Variants in DNAH14 observed in about 807,000 individuals in gnomAD.
The protein encoded by DNAH14 is dynein axonemal heavy chain 14, also known as axonemal beta dynein heavy chain 14.
In DNAH14, 478 loss-of-function variants were observed where a neutral mutation model predicts 520.9. The observed-to-expected ratio is 0.92, with a 90% CI of 0.85 to 0.99. The LOEUF (loss-of-function observed/expected upper bound fraction) is 0.99, where lower values mean the gene tolerates loss of function less well. DNAH14 is among the 50% of genes least tolerant of loss of function. DNAH14 has a pLI of 0.00. For synonymous variants in DNAH14, 1,581 were observed against 1,757.2 expected, an observed-to-expected ratio of 0.90 and a Z score of 2.51; for missense variants, 4,831 against 5,234.5, an observed-to-expected ratio of 0.92 and a Z score of 2.38.
intron 60 of DNAH14, among the ~76,000 whole-genome samples, chr1:225,310,993 T>C (rs928214511): frequency 6.6e-6 from 1 of 152,216 alleles, no homozygotes; most frequent in Admixed American, 6.5e-5. Context: ...AAATGGTATT[T>C]CTGGTTCTAG....
At chr1:225,014,042 A>T (rs1280670321) in intron 10 of DNAH14, among the ~76,000 whole-genome samples, 2 of 152,140 alleles carry the variant, frequency 1.3e-5, no homozygotes, top group East Asian at 3.9e-4. Context: ...TTTGCCATAC[A>T]AGCCATCCAG....
chr1:225,315,008 C>T (rs2094441171), intron 60 of DNAH14, among the ~76,000 whole-genome samples: 1 of 152,120 alleles, frequency 6.6e-6, no homozygotes, highest in Admixed American at 6.5e-5. Flanking sequence ...GGTAAGTTCT[C>T]CTGGATAATA....
rs1318544791 is a variant in DNAH14 at position 225,305,445 on chromosome 1, C to T, written c.9005+356C>T. ...AATAAAAGGCTTCAGATGACTACAA[C>T]GCAGATAGTGGAACACCTACTAAGC... On this transcript the variant is annotated intron_variant, in intron 58 of 85. Transcript: ENST00000682510. Among the ~76,000 whole-genome samples, 5 of 152,182 alleles carry T rather than the reference C, an allele frequency of 3.3e-5. No individual in the cohort carries two copies. In the East Asian group the frequency reaches 5.8e-4, roughly 18 times the overall value.
intron 9 of DNAH14, among the ~76,000 whole-genome samples, chr1:225,005,997 G>C (rs1396071255): frequency 1.3e-5 from 2 of 152,124 alleles, no homozygotes; most frequent in Non-Finnish European, 2.9e-5. Flanking sequence ...CGGAGGGACC[G>C]GCTGAAGCCA....
At chr1:225,132,328 C>T (rs2078506246) in intron 27 of DNAH14, among the ~76,000 whole-genome samples, 1 of 152,048 alleles carries the variant, frequency 6.6e-6, no homozygotes, top group African/African-American at 2.4e-5. Flanking sequence ...AAGCCCAGCA[C>T]CCATTAGCTG....
rs1447645633 is a variant in DNAH14 at position 225,051,728 on chromosome 1, A to G, written c.2357A>G (p.Asn786Ser). 6.4e-6 allele frequency: 10 copies of G among 1,550,638 alleles called. No homozygotes were observed. Among genetic ancestry groups the G allele is most frequent in the Non-Finnish European group, 6.1e-6 (7 of 1,146,648 alleles). The change falls in exon 17 of 86, where the codon AAC (asparagine) becomes AGC (serine). Residue 786 changes from asparagine to serine, a missense_variant. By Grantham distance (46) the Asn-to-Ser change is conservative. Transcript: ENST00000682510. ...YQSECLLYIDNVIHMSHTLIQ... is the reference protein window; with the variant it reads ...YQSECLLYIDSVIHMSHTLIQ... ...TCAGAATGCTTACTGTATATTGACAACGTCATACATATGAGCCACACCCTC... is the reference window on the plus strand; with the variant it reads ...TCAGAATGCTTACTGTATATTGACAGCGTCATACATATGAGCCACACCCTC...
chr1:224,960,499 C>G (rs542568005), intron 4 of DNAH14, among the ~76,000 whole-genome samples, 197 bp downstream of exon 4: 6 of 152,046 alleles, frequency 3.9e-5, no homozygotes, highest in Non-Finnish European at 7.4e-5. Flanking sequence ...GAAAAATTGA[C>G]AGAGACTGTT....
intron 66 of DNAH14, among the ~76,000 whole-genome samples, chr1:225,334,880 A>ATGTG (rs71574528): frequency 1.1e-4 from 13 of 122,316 alleles, no homozygotes; most frequent in East Asian, 2.4e-4. Flanking sequence ...CTCTCTACAT[A>ATGTG]TATATGTGTG....
At chr1:225,294,882 G>A (rs11576433) in intron 55 of DNAH14, among the ~76,000 whole-genome samples, 1 of 151,174 alleles carries the variant, frequency 6.6e-6, no homozygotes, top group Non-Finnish European at 1.5e-5. Context: ...TGGATTTTTT[G>A]TTGTTGTTGT....
intron 11 of DNAH14, among the ~76,000 whole-genome samples, chr1:225,025,571 AAAC>A (rs1184200266): frequency 5.3e-5 from 8 of 151,454 alleles, no homozygotes; most frequent in South Asian, 2.1e-4. Context: ...ATCTCTACAA[AAAC>A]AACAACAACA....
chr1:225,008,747 G>A lies in DNAH14; in HGVS notation c.1107+1203G>A, dbSNP rs376172963. ...GCCGTTTCCTGACTTTTTAATGATC[G>A]CCCTTCTAACTGGCATGAGATGGTA... is the stretch of plus-strand genomic sequence containing the variant. On this transcript the variant is annotated intron_variant, in intron 10 of 85. Transcript: ENST00000682510. Among the ~76,000 whole-genome samples, 34 of 151,884 alleles carry A rather than the reference G, an allele frequency of 2.2e-4. No homozygotes were observed. In the South Asian group the frequency reaches 2.3e-3, roughly 10 times the overall value.
Position 225,039,695 on chromosome 1 carries a change from C to A in DNAH14, c.1488+872C>A, listed in dbSNP as rs528649839. On this transcript the variant is annotated intron_variant, in intron 12 of 85. Coordinates refer to ENST00000682510, the MANE Select transcript of DNAH14 (RefSeq NM_001367479.1). ...TGCTTATCCTATTTGGTAAAAGTAG[C>A]CTTGTACCCCGTCTCTACTAAAAAT... 5.3e-5 allele frequency among the ~76,000 whole-genome samples: 8 copies of A among 150,698 alleles called. No individual in the cohort carries two copies. The Middle Eastern group carries it at 0.01, about 194-fold the overall frequency.
chr1:225,144,898 T>A (rs1488771253), intron 29 of DNAH14, among the ~76,000 whole-genome samples: 2 of 151,752 alleles, frequency 1.3e-5, no homozygotes, highest in African/African-American at 2.4e-5. Flanking sequence ...TATCATTGTG[T>A]GTGTGTGTGT....
chr1:225,143,545 G>T (rs1489100834), intron 28 of DNAH14, among the ~76,000 whole-genome samples: 1 of 152,118 alleles, frequency 6.6e-6, no homozygotes, highest in East Asian at 1.9e-4. Context: ...TTGAGAGTGA[G>T]TGGAATGAGT....
Position 225,080,581 on chromosome 1 carries a change from CTGACATTGAAGG to C in DNAH14, c.2974_2985del (p.Ile992_Asp995del), listed in dbSNP as rs1220928937. The C allele has an allele frequency of 5.2e-6, 8 of 1,551,932 alleles. No individual in the cohort carries two copies. The highest frequency in any genetic ancestry group is 7.0e-6 in the Non-Finnish European group (8 of 1,147,080). On this transcript the variant is annotated inframe_deletion, in exon 19 of 86. Coordinates refer to ENST00000682510, the MANE Select transcript of DNAH14 (RefSeq NM_001367479.1). ...ACACAGATTGTGCTTTCAGAGATCT[CTGACATTGAAGG>C]TGACTTGACTTTGAGGAAAAAACTA...
chr1:225,077,608 G>A (rs1233575254), intron 17 of DNAH14, among the ~76,000 whole-genome samples: 1 of 152,158 alleles, frequency 6.6e-6, no homozygotes, highest in Non-Finnish European at 1.5e-5. Context: ...TACATTGTAA[G>A]TCTATTACTG....
At chr1:225,297,150 TG>T (rs2094027487) in intron 55 of DNAH14, among the ~76,000 whole-genome samples, 1 of 152,050 alleles carries the variant, frequency 6.6e-6, no homozygotes, top group African/African-American at 2.4e-5. Context: ...TCTTATCTAT[TG>T]TAGAAGCTCT....
chr1:225,325,485 CAA>C (rs59895242), intron 64 of DNAH14, among the ~76,000 whole-genome samples: 6 of 139,490 alleles, frequency 4.3e-5, no homozygotes, highest in Admixed American at 7.2e-5. Context: ...AACTCCATCT[CAA>C]AAAAAAAAAA....
chr1:225,204,236 G>T lies in DNAH14; in HGVS notation c.5940G>T (p.Glu1980Asp). The T allele has an allele frequency of 6.7e-7, 1 of 1,491,578 alleles. No individual in the cohort carries two copies. Among genetic ancestry groups the T allele is most frequent in the South Asian group, 1.4e-5 (1 of 72,330 alleles). The allele number at this position is 1,491,578 out of a possible 1,614,324, so 92.4% of individuals were successfully genotyped here. A position where few individuals can be genotyped will look rare whatever the true frequency, so the allele number is the denominator to read the frequency against. ...CAGAGACTGATGATAATATTTTTGA[G>T]GAGATAGAGAAAGTTGTTAAAATTC... ...DTTETDDNIF[E>D]EIEKVVKIPE... is the part of the protein sequence containing the mutation. The change falls in exon 39 of 86, where the codon GAG (glutamate) becomes GAT (aspartate). Residue 1980 changes from glutamate (E) to aspartate (D), a missense_variant. Glu to Asp is a conservative substitution (Grantham distance 45). Transcript: ENST00000682510.
Sources: gnomAD v4.1 joint callset for allele counts (sites outside exome capture counted in the v4.1 genomes callset) on GRCh38, gnomAD v4.1.1 for gene constraint, MANE v1.5 for transcripts, NCBI Gene and HGNC (gene_info 2026-07-23, HGNC 2026-07-21) for gene names.